The following CNTN5 variants were observed in gnomAD, a reference collection of about 807,000 sequenced individuals.
CNTN5 encodes contactin 5.
CNTN5 carries 77 observed loss-of-function variants against 129.1 expected under a neutral mutation model. The observed-to-expected ratio is 0.60, with a 90% CI of 0.50 to 0.72. The LOEUF is 0.72. Among genes scored for constraint, CNTN5 ranks in the 30% least tolerant of loss-of-function variants. CNTN5 has a pLI of 0.00. For missense variants in CNTN5, 1,478 were observed against 1,328.8 expected, an observed-to-expected ratio of 1.11 and a Z score of -1.75; for synonymous variants, 509 against 465.6, an observed-to-expected ratio of 1.09 and a Z score of -1.20.
intron 1 of CNTN5, among the ~76,000 whole-genome samples, chr11:99,253,707 T>A (rs1473468121): frequency 6.6e-6 from 1 of 151,724 alleles, no homozygotes; most frequent in Non-Finnish European, 1.5e-5. Context: ...CGTTGCTGTA[T>A]AATTTTTATT....
chr11:99,792,021 G>A (rs144918163), intron 3 of CNTN5, among the ~76,000 whole-genome samples: 74 of 152,134 alleles, frequency 4.9e-4, no homozygotes, highest in African/African-American at 1.3e-3. Context: ...GGCTTTATAG[G>A]TATAGAATCA....
chr11:99,596,676 G>A (rs896110287), intron 3 of CNTN5, among the ~76,000 whole-genome samples: 6 of 152,114 alleles, frequency 3.9e-5, no homozygotes, highest in Non-Finnish European at 5.9e-5. Context: ...AAACATATTT[G>A]TTCCGATTGA....
intron 2 of CNTN5, among the ~76,000 whole-genome samples, chr11:99,375,756 A>G (rs1028987005): frequency 1.5e-4 from 23 of 152,134 alleles, no homozygotes; most frequent in African/African-American, 5.3e-4. Flanking sequence ...TTTTAGGGCA[A>G]TGTTCCATGT....
chr11:99,286,109 AT>A (rs1265638322), intron 1 of CNTN5, among the ~76,000 whole-genome samples: 1 of 151,928 alleles, frequency 6.6e-6, no homozygotes, highest in Non-Finnish European at 1.5e-5. Flanking sequence ...TTTACTTTCA[AT>A]ATTATTTCTA....
At chr11:99,468,835 A>C (rs941365088) in intron 2 of CNTN5, among the ~76,000 whole-genome samples, 2 of 151,708 alleles carry the variant, frequency 1.3e-5, no homozygotes, top group Non-Finnish European at 2.9e-5. Flanking sequence ...CCCAGGTTCA[A>C]GCGATTCTCC....
At chr11:100,166,215 T>C (rs1306461740) in intron 13 of CNTN5, among the ~76,000 whole-genome samples, 2 of 151,774 alleles carry the variant, frequency 1.3e-5, no homozygotes, top group Non-Finnish European at 2.9e-5. Flanking sequence ...TAAGGTGTCA[T>C]TGATACTTAA....
intron 3 of CNTN5, among the ~76,000 whole-genome samples, chr11:99,722,657 T>G (rs1007672059): frequency 6.6e-6 from 1 of 152,084 alleles, no homozygotes; most frequent in African/African-American, 2.4e-5. Flanking sequence ...TTAAGGAAGT[T>G]CTAGTCAACC....
intron 2 of CNTN5, among the ~76,000 whole-genome samples, chr11:99,462,332 TC>T (rs1944733040): frequency 6.8e-6 from 1 of 147,838 alleles, no homozygotes; most frequent in Non-Finnish European, 1.5e-5. Context: ...CCTTTTTCTT[TC>T]TTTTTTTTCT....
At chr11:99,140,260 A>ATG (rs1192175343) in intron 1 of CNTN5, among the ~76,000 whole-genome samples, 1 of 152,086 alleles carries the variant, frequency 6.6e-6, no homozygotes, top group African/African-American at 2.4e-5. Context: ...GGTTAGTAAC[A>ATG]TGGGTAAATT....
intron 13 of CNTN5, among the ~76,000 whole-genome samples, chr11:100,117,384 C>T (rs1025337028): frequency 1.3e-5 from 2 of 151,920 alleles, no homozygotes; most frequent in African/African-American, 2.4e-5. Context: ...ACTTGTTATG[C>T]TTCTAGTGTC....
At chr11:99,162,256 G>T (rs963858759) in intron 1 of CNTN5, among the ~76,000 whole-genome samples, 10 of 149,092 alleles carry the variant, frequency 6.7e-5, no homozygotes, top group Admixed American at 4.9e-4. Flanking sequence ...GAGAAAGTTG[G>T]CTTGAGGGTT....
intron 3 of CNTN5, among the ~76,000 whole-genome samples, chr11:99,674,851 C>T (rs990642524): frequency 5.9e-5 from 9 of 151,976 alleles, no homozygotes; most frequent in Middle Eastern, 3.4e-3. Context: ...AATTCTGTTT[C>T]CAAGAAGCTT....
chr11:99,453,940 A>G (rs1449409188), intron 2 of CNTN5, among the ~76,000 whole-genome samples: 1 of 152,232 alleles, frequency 6.6e-6, no homozygotes. Flanking sequence ...GAGGGAAAAA[A>G]GCACAATTAT....
At chr11:99,450,656 A>G (rs994248253) in intron 2 of CNTN5, among the ~76,000 whole-genome samples, 1 of 151,852 alleles carries the variant, frequency 6.6e-6, no homozygotes, top group African/African-American at 2.4e-5. Flanking sequence ...TTATTGCACT[A>G]TATTGTACTG....
intron 13 of CNTN5, among the ~76,000 whole-genome samples, chr11:100,165,258 A>C (rs932187398): frequency 6.6e-6 from 1 of 151,878 alleles, no homozygotes; most frequent in Admixed American, 6.6e-5. Flanking sequence ...TAAAGAGTAC[A>C]TAGATCTTGG....
intron 6 of CNTN5, among the ~76,000 whole-genome samples, chr11:99,915,283 G>C (rs935601358): frequency 6.6e-6 from 1 of 152,034 alleles, no homozygotes; most frequent in Admixed American, 6.6e-5. Context: ...AGCAATAATA[G>C]AATTACAATT....
intron 8 of CNTN5, among the ~76,000 whole-genome samples, chr11:99,976,212 AC>A (rs1937959506): frequency 6.6e-6 from 1 of 152,142 alleles, no homozygotes; most frequent in Non-Finnish European, 1.5e-5. Flanking sequence ...GCCTTTGGCA[AC>A]TCTGTCCCTT....
At chr11:100,179,459 C>A (rs1483274795) in intron 13 of CNTN5, among the ~76,000 whole-genome samples, 1 of 152,030 alleles carries the variant, frequency 6.6e-6, no homozygotes, top group Non-Finnish European at 1.5e-5. Flanking sequence ...AGTACTGGTA[C>A]ACAATAGTAT....
chr11:99,550,928 A>C (rs1375643624), intron 2 of CNTN5, among the ~76,000 whole-genome samples: 1 of 152,166 alleles, frequency 6.6e-6, no homozygotes, highest in Non-Finnish European at 1.5e-5. Flanking sequence ...TGAGAGTACC[A>C]AGAGTAAGAG....
Sources: gnomAD v4.1 joint callset for allele counts (sites outside exome capture counted in the v4.1 genomes callset) on GRCh38, gnomAD v4.1.1 for gene constraint, MANE v1.5 for transcripts, NCBI Gene and HGNC (gene_info 2026-07-23, HGNC 2026-07-21) for gene names.